Variants in DAGLB observed in about 807,000 individuals in gnomAD.
The protein encoded by DAGLB is diacylglycerol lipase beta.
DAGLB carries 66 observed loss-of-function variants against 72.1 expected under a neutral mutation model. The observed-to-expected ratio is 0.92, with a 90% CI of 0.75 to 1.12. The LOEUF (loss-of-function observed/expected upper bound fraction) is 1.12, where lower values mean the gene tolerates loss of function less well. Among genes scored for constraint, DAGLB ranks in the 50% most tolerant of loss-of-function variants. DAGLB has a pLI of 0.00. For synonymous variants in DAGLB, 414 were observed against 359.5 expected (o/e 1.15, Z -1.71); for missense variants, 1,065 against 884.9 (o/e 1.20, Z -2.58).
At chr7:6,433,266 C>T (rs1028535490) in intron 4 of DAGLB, among the ~76,000 whole-genome samples, 3 of 152,172 alleles carry the variant, frequency 2.0e-5, no homozygotes, top group Admixed American at 1.3e-4. Context: ...GTGGAGAAAT[C>T]AATGGATAAA....
chr7:6,418,681 T>C (rs1270438057), intron 9 of DAGLB, among the ~76,000 whole-genome samples: 1 of 151,806 alleles, frequency 6.6e-6, no homozygotes, highest in African/African-American at 2.4e-5. Context: ...TTTTTTTTTT[T>C]TGAGACAGAG....
chr7:6,418,453 A>T (rs1006871033), intron 9 of DAGLB, among the ~76,000 whole-genome samples: 36 of 152,296 alleles, frequency 2.4e-4, no homozygotes, highest in African/African-American at 7.7e-4. Context: ...AAAAATTTTT[A>T]AAAAAGAAAA....
chr7:6,442,344 C>T (rs1004224744), intron 2 of DAGLB, among the ~76,000 whole-genome samples: 2 of 151,864 alleles, frequency 1.3e-5, no homozygotes, highest in African/African-American at 4.8e-5. Flanking sequence ...AAGCATTGTA[C>T]GAGTGTCTAG....
intron 6 of DAGLB, among the ~76,000 whole-genome samples, chr7:6,426,634 G>A (rs1231164760): frequency 6.6e-6 from 1 of 152,110 alleles, no homozygotes; most frequent in Non-Finnish European, 1.5e-5. Flanking sequence ...CTGACTTCTG[G>A]CATCATGTTA....
intron 9 of DAGLB, among the ~76,000 whole-genome samples, chr7:6,418,827 GC>G (rs1330140170): frequency 2.6e-5 from 4 of 152,050 alleles, no homozygotes; most frequent in African/African-American, 9.7e-5. Context: ...ACCACGCCCG[GC>G]TAATTTTTTG....
At chr7:6,443,199 A>C (rs1784886254) in intron 2 of DAGLB, among the ~76,000 whole-genome samples, 2 of 149,940 alleles carry the variant, frequency 1.3e-5, no homozygotes, top group African/African-American at 4.9e-5. Flanking sequence ...GAAAAAAAAA[A>C]CAAAAAACAA....
At position 6,409,725 on chromosome 7, in the gene DAGLB, C is replaced by A; in HGVS notation, c.*112G>T. The A allele has an allele frequency of 8.2e-7, 1 of 1,221,852 alleles. No homozygotes were observed. The highest frequency in any genetic ancestry group is 2.5e-5 in the East Asian group (1 of 39,316). 75.7% of individuals were successfully genotyped at this position (1,221,852 alleles called of 1,614,324 possible). ...ATGGAATTCTGTTCCCATCCGATTC[C>A]TGTTGATGGACATTCGCTGTTTTGG... is the stretch of plus-strand genomic sequence containing the variant. On this transcript the variant is annotated 3_prime_UTR_variant, in exon 15 of 15. Transcript: ENST00000297056.
intron 7 of DAGLB, 46 bp from the exon 8 acceptor site, chr7:6,424,881 G>T: frequency 6.3e-7 from 1 of 1,586,032 alleles, no homozygotes; most frequent in Non-Finnish European, 8.7e-7. Flanking sequence ...GTGAACACAC[G>T]CACCAGCACG....
At position 6,445,935 on chromosome 7, in the gene DAGLB, G is replaced by C. The variant is rs199604517; in HGVS notation, c.247+18C>G. The C allele has an allele frequency of 1.8e-5, 29 of 1,572,204 alleles. No individual in the cohort carries two copies. The East Asian group carries it at 5.9e-4, about 32-fold the overall frequency. On this transcript the variant is annotated intron_variant, in intron 2 of 14. Coordinates refer to ENST00000297056, the MANE Select transcript of DAGLB (RefSeq NM_139179.4). Reference sequence around the variant, plus strand: ...GCTATAAAAAAATAGGTATCAAATAGAAAAGGCTACTTTTTACCTCTCATG... The same window carrying C: ...GCTATAAAAAAATAGGTATCAAATACAAAAGGCTACTTTTTACCTCTCATG...
intron 7 of DAGLB, 53 bp from the exon 8 acceptor site, chr7:6,424,888 C>G: frequency 1.3e-6 from 2 of 1,582,066 alleles, no homozygotes; most frequent in African/African-American, 1.3e-5. Context: ...CACGCACCAG[C>G]ACGCAAAGTC....
In DAGLB at chr7:6,445,759, C is replaced by T. The variant is rs375235422; in HGVS notation, c.247+194G>A. On this transcript the variant is annotated intron_variant, in intron 2 of 14. Transcript: ENST00000297056. Reference sequence around the variant, plus strand: ...ATTACAGGTGTGAGCCACTGTGTCCCGCCTGGTACAGGATTTCTTTCAGGA... The same window carrying T: ...ATTACAGGTGTGAGCCACTGTGTCCTGCCTGGTACAGGATTTCTTTCAGGA... 9.6e-4 allele frequency: 563 copies of T among 584,820 alleles called. 7 individuals carry two copies. In the South Asian group the frequency reaches 0.015, roughly 16 times the overall value. The allele number at this position is 584,820 out of a possible 1,614,324, so 36.2% of individuals were successfully genotyped here. A position where few individuals can be genotyped will look rare whatever the true frequency, so the allele number is the denominator to read the frequency against.
chr7:6,433,048 C>A, intron 4 of DAGLB, 89 bp from the exon 5 acceptor site: 1 of 1,512,012 alleles, frequency 6.6e-7, no homozygotes, highest in South Asian at 1.3e-5. Context: ...AGTTGATAGG[C>A]ATTCACGCAC....
At chr7:6,445,327 CG>C (rs1784964420) in intron 2 of DAGLB, among the ~76,000 whole-genome samples, 1 of 152,156 alleles carries the variant, frequency 6.6e-6, no homozygotes, top group African/African-American at 2.4e-5. Flanking sequence ...GCTAAAACAT[CG>C]ATGAATCTTG....
At position 6,410,316 on chromosome 7, in the gene DAGLB, G is replaced by A. The variant is rs80259222; in HGVS notation, c.1634C>T (p.Thr545Met). ...LFGGNPNNLPTELDGGDQEVL... is the reference protein window; with the variant it reads ...LFGGNPNNLPMELDGGDQEVL... ...TTCCTGGTCGCCCCCGTCCAGCTCC[G>A]TGGGCAAGTTGTTGGGGTTTCCTCC... Residue 545 changes from threonine (T) to methionine (M), a missense_variant, in exon 14 of 15, where the codon ACG (threonine) becomes ATG (methionine). By Grantham distance (81) the Thr-to-Met change is moderately conservative. Transcript: ENST00000297056. The A allele has an allele frequency of 5.6e-6, 9 of 1,614,092 alleles. No individual in the cohort carries two copies. Among genetic ancestry groups the A allele is most frequent in the African/African-American group, 2.7e-5 (2 of 75,024 alleles).
At position 6,416,671 on chromosome 7, in the gene DAGLB, C is replaced by T. The variant is rs2288152; in HGVS notation, c.1383G>A (p.Pro461=). The T allele has an allele frequency of 0.069, 111,622 of 1,613,486 alleles. 10,478 individuals are homozygous for T. Among genetic ancestry groups the T allele is most frequent in the East Asian group, 0.52 (23,436 of 44,866 alleles). ...LLATMLRAAY[P]QVRCYAFSPP... ...GGGAGAAGGCGTAGCACCTGACCTG[C>T]GGGTAGGCGGCTCTGAGCATGGTGG... The change falls in exon 11 of 15, where the codon CCG becomes CCA. Residue 461 remains proline, a synonymous_variant. Coordinates refer to ENST00000297056, the MANE Select transcript of DAGLB (RefSeq NM_139179.4).
intron 2 of DAGLB, among the ~76,000 whole-genome samples, chr7:6,441,090 CA>C (rs1206419187): frequency 7.7e-6 from 1 of 130,634 alleles, no homozygotes. Flanking sequence ...AACAAACTGA[CA>C]ATTTTTTTTT....
In DAGLB at chr7:6,432,832, C is replaced by T. The variant is rs748108498; in HGVS notation, c.801+5G>A. 16 of 1,612,944 alleles carry T rather than the reference C, an allele frequency of 9.9e-6. No individual in the cohort carries two copies. In the Admixed American group the frequency reaches 2.7e-4, roughly 27 times the overall value. ...GAACTGGACACTCCATGAAGCCAGG[C>T]TCACCTGGGAGCTCCCTGGGGCATG... is the stretch of plus-strand genomic sequence containing the variant. On this transcript the variant is annotated splice_donor_5th_base_variant and intron_variant, in intron 5 of 14. Transcript: ENST00000297056.
At chr7:6,428,317 A>AT (rs1385436901) in intron 6 of DAGLB, among the ~76,000 whole-genome samples, 1 of 119,880 alleles carries the variant, frequency 8.3e-6, no homozygotes, top group Non-Finnish European at 1.6e-5. Context: ...CTCTGTCTCA[A>AT]AAAAAAAAAA....
At position 6,421,955 on chromosome 7, in the gene DAGLB, G is replaced by T. The variant is rs537532238; in HGVS notation, c.1141-151C>A. The T allele has an allele frequency of 2.8e-3, 2,467 of 866,398 alleles. 13 individuals carry two copies. Among genetic ancestry groups the T allele is most frequent in the Middle Eastern group, 0.014 (65 of 4,572 alleles). The allele number at this position is 866,398 out of a possible 1,614,324, so 53.7% of individuals were successfully genotyped here. On this transcript the variant is annotated intron_variant, in intron 8 of 14. Transcript: ENST00000297056. ...TCCTGGGACTGAACCCTAAACTAAA[G>T]AGGGAAACCCAGCGGTGGCTCCTGA...
Sources: allele counts gnomAD v4.1 joint callset (sites outside exome capture counted in the v4.1 genomes callset), GRCh38; gene constraint gnomAD v4.1.1; transcripts MANE v1.5; gene names NCBI Gene and HGNC (gene_info 2026-07-23, HGNC 2026-07-21).